Variants in MNAT1 observed in about 807,000 individuals in gnomAD.
MNAT1 encodes the protein MNAT1 component of CDK activating kinase.
Under a neutral mutation model 42.0 loss-of-function variants are expected in MNAT1, and 43 were observed. That is an observed-to-expected ratio of 1.02 (90% CI 0.80 to 1.32). The LOEUF (loss-of-function observed/expected upper bound fraction) is 1.32, where lower values mean the gene tolerates loss of function less well. Ranked by LOEUF, MNAT1 falls within the 40% of genes most tolerant of loss-of-function variation. The pLI is 0.00. For missense variants in MNAT1, 306 were observed against 350.4 expected, an observed-to-expected ratio of 0.87 and a Z score of 1.01; for synonymous variants, 118 against 120.0, an observed-to-expected ratio of 0.98 and a Z score of 0.11.
chr14:60,847,354 A>G (rs9285588), intron 6 of MNAT1, among the ~76,000 whole-genome samples: 10,263 of 151,296 alleles, frequency 0.068, 1,179 homozygotes, highest in African/African-American at 0.24. Context: ...CAGTGAGCCA[A>G]GATCGCACCA....
At chr14:60,961,661 G>A (rs905127229) in intron 7 of MNAT1, among the ~76,000 whole-genome samples, 3 of 152,088 alleles carry the variant, frequency 2.0e-5, no homozygotes, top group Middle Eastern at 3.4e-3. Context: ...TGGATTATAC[G>A]GTCAATGAGA....
chr14:60,744,459 TTTTA>T (rs1896558214), intron 1 of MNAT1, among the ~76,000 whole-genome samples: 1 of 152,210 alleles, frequency 6.6e-6, no homozygotes, highest in African/African-American at 2.4e-5. Flanking sequence ...TATTGACTGC[TTTTA>T]TTTGACTGTA....
At chr14:60,885,869 T>C (rs979302021) in intron 7 of MNAT1, among the ~76,000 whole-genome samples, 1 of 152,076 alleles carries the variant, frequency 6.6e-6, no homozygotes, top group African/African-American at 2.4e-5. Flanking sequence ...TCTCACTATG[T>C]TTTCTCTTAA....
chr14:60,764,426 C>A (rs933202084), intron 1 of MNAT1, among the ~76,000 whole-genome samples: 2 of 152,146 alleles, frequency 1.3e-5, no homozygotes, highest in Non-Finnish European at 2.9e-5. Context: ...GATAGTGAAG[C>A]TAATTGTCTT....
intron 6 of MNAT1, among the ~76,000 whole-genome samples, chr14:60,842,790 T>G (rs1043783466): frequency 6.6e-6 from 1 of 152,210 alleles, no homozygotes; most frequent in African/African-American, 2.4e-5. Context: ...AGTCAAAAAT[T>G]CATTTAATAT....
chr14:60,831,100 T>G (rs1056014158), intron 6 of MNAT1, among the ~76,000 whole-genome samples: 1 of 37,704 alleles, frequency 2.7e-5, no homozygotes, highest in Non-Finnish European at 6.7e-5. Flanking sequence ...CTTTCTTTTG[T>G]TCCTTTTTTT....
chr14:60,942,195 T>C (rs1391423862), intron 7 of MNAT1, among the ~76,000 whole-genome samples: 1 of 152,078 alleles, frequency 6.6e-6, no homozygotes, highest in Non-Finnish European at 1.5e-5. Flanking sequence ...TACCGTTAAG[T>C]TGTCTGTCTT....
At chr14:60,878,578 T>G (rs990501620) in intron 6 of MNAT1, among the ~76,000 whole-genome samples, 1 of 152,092 alleles carries the variant, frequency 6.6e-6, no homozygotes, top group Non-Finnish European at 1.5e-5. Context: ...TTAGCTAACT[T>G]TCTCATAATA....
At chr14:60,934,890 A>G (rs1330953213) in intron 7 of MNAT1, among the ~76,000 whole-genome samples, 3 of 152,216 alleles carry the variant, frequency 2.0e-5, no homozygotes, top group Non-Finnish European at 4.4e-5. Context: ...CACTTTCCCT[A>G]GTTTATCAAG....
chr14:60,925,570 T>G (rs939980828), intron 7 of MNAT1, among the ~76,000 whole-genome samples: 1 of 152,230 alleles, frequency 6.6e-6, no homozygotes, highest in African/African-American at 2.4e-5. Flanking sequence ...TTGCTCATTT[T>G]GCTTGTTTTT....
chr14:60,922,873 A>C (rs751468971), intron 7 of MNAT1, among the ~76,000 whole-genome samples: 2 of 152,136 alleles, frequency 1.3e-5, no homozygotes, highest in Non-Finnish European at 2.9e-5. Flanking sequence ...ATAAAGACAA[A>C]CTGGAAGAAA....
chr14:60,761,434 G>T (rs1450452364), intron 1 of MNAT1, among the ~76,000 whole-genome samples: 1 of 152,104 alleles, frequency 6.6e-6, no homozygotes, highest in East Asian at 1.9e-4. Context: ...ATTTACCTGA[G>T]AGCCCTTAAT....
chr14:60,798,267 G>T, intron 3 of MNAT1, 107 bp downstream of exon 3: 1 of 555,998 alleles, frequency 1.8e-6, no homozygotes, highest in Non-Finnish European at 3.3e-6. Flanking sequence ...GTTTTGTTGT[G>T]ATAGCTAACA....
intron 7 of MNAT1, among the ~76,000 whole-genome samples, chr14:60,942,736 A>T (rs1472212419): frequency 6.6e-6 from 1 of 152,168 alleles, no homozygotes; most frequent in Non-Finnish European, 1.5e-5. Flanking sequence ...GACCACTACA[A>T]TGCATTTTAG....
At chr14:60,848,306 A>T (rs554096198) in intron 6 of MNAT1, among the ~76,000 whole-genome samples, 44 of 151,964 alleles carry the variant, frequency 2.9e-4, no homozygotes, top group African/African-American at 8.9e-4. Context: ...TGTGATAAGT[A>T]TTTTCTCTTT....
At chr14:60,883,038 T>A (rs1204925317) in intron 7 of MNAT1, among the ~76,000 whole-genome samples, 2 of 152,164 alleles carry the variant, frequency 1.3e-5, no homozygotes, top group Non-Finnish European at 2.9e-5. Flanking sequence ...ATAGGTTGTC[T>A]CTTTGTTCAT....
At chr14:60,809,040 G>T (rs992123131) in intron 4 of MNAT1, 2 of 151,926 alleles carry the variant, frequency 1.3e-5, no homozygotes, top group Non-Finnish European at 2.9e-5. Context: ...AATATCTCAG[G>T]AGTCATTATT....
At chr14:60,887,781 A>T (rs557663202) in intron 7 of MNAT1, among the ~76,000 whole-genome samples, 1 of 152,276 alleles carries the variant, frequency 6.6e-6, no homozygotes, top group Admixed American at 6.5e-5. Context: ...CACCAATCCC[A>T]CAGAAATACA....
At chr14:60,781,733 CT>C (rs923168479) in intron 1 of MNAT1, among the ~76,000 whole-genome samples, 1 of 151,996 alleles carries the variant, frequency 6.6e-6, no homozygotes, top group African/African-American at 2.4e-5. Flanking sequence ...AAAGTTTTCT[CT>C]TTGATCTTTA....
Sources: gnomAD v4.1 joint callset for allele counts (sites outside exome capture counted in the v4.1 genomes callset) on GRCh38, gnomAD v4.1.1 for gene constraint, MANE v1.5 for transcripts, NCBI Gene and HGNC (gene_info 2026-07-23, HGNC 2026-07-21) for gene names.